STAG1: variants seen among roughly 807,000 people sequenced by gnomAD.
STAG1 encodes cohesin subunit SA-1.
In STAG1, 26 loss-of-function variants were observed where a neutral mutation model predicts 170.9. That is an observed-to-expected ratio of 0.15 (90% CI 0.11 to 0.21). STAG1 has a LOEUF of 0.21. Ranked by LOEUF, STAG1 falls within the 10% of genes least tolerant of loss-of-function variation. STAG1 has a pLI of 1.00. For synonymous variants in STAG1, 514 were observed against 497.7 expected (o/e 1.03, Z -0.44); for missense variants, 964 against 1,509.5 (o/e 0.64, Z 5.99).
At chr3:136,734,330 T>G (rs1337922389) in intron 1 of STAG1, among the ~76,000 whole-genome samples, 1 of 152,142 alleles carries the variant, frequency 6.6e-6, no homozygotes, top group African/African-American at 2.4e-5. Context: ...AAACTCATGT[T>G]TGACTATGTA....
intron 13 of STAG1, among the ~76,000 whole-genome samples, chr3:136,464,297 C>T (rs545483554): frequency 2.0e-5 from 3 of 151,950 alleles, no homozygotes; most frequent in African/African-American, 7.3e-5. Flanking sequence ...GTGGCGCATG[C>T]CTGTAATCCC....
At chr3:136,346,745 G>A (rs1470430857) in intron 29 of STAG1, among the ~76,000 whole-genome samples, 1 of 152,228 alleles carries the variant, frequency 6.6e-6, no homozygotes, top group Non-Finnish European at 1.5e-5. Flanking sequence ...TATAACGCAT[G>A]TTAAAACATA....
At chr3:136,697,258 T>C (rs1208175571) in intron 1 of STAG1, among the ~76,000 whole-genome samples, 1 of 152,198 alleles carries the variant, frequency 6.6e-6, no homozygotes, top group Non-Finnish European at 1.5e-5. Context: ...CACTTAATAT[T>C]GCATATGTTC....
chr3:136,342,533 G>A (rs1017920984), intron 30 of STAG1, among the ~76,000 whole-genome samples: 7 of 152,202 alleles, frequency 4.6e-5, no homozygotes, highest in African/African-American at 1.7e-4. Context: ...CCAGGCTGGA[G>A]TGCAGTGGCG....
In STAG1 at chr3:136,336,304, C is replaced by T. The variant is rs1935677930; in HGVS notation, c.*1950G>A. 6.6e-6 allele frequency: 1 copy of T among 152,064 alleles called. No individual in the cohort carries two copies. The highest frequency in any genetic ancestry group is 1.5e-5 in the Non-Finnish European group (1 of 68,004). 9.4% of individuals were successfully genotyped at this position (152,064 alleles called of 1,614,324 possible). A position where few individuals can be genotyped will look rare whatever the true frequency, so the allele number is the denominator to read the frequency against. On this transcript the variant is annotated 3_prime_UTR_variant, in exon 34 of 34. Transcript: ENST00000383202. ...CAAATTGTACAAAAGGAAAAAAAAC[C>T]TCATATTGCAAATGTACAATTTACA...
At chr3:136,520,606 ATAGT>A (rs1934623464) in intron 7 of STAG1, among the ~76,000 whole-genome samples, 1 of 152,186 alleles carries the variant, frequency 6.6e-6, no homozygotes. Context: ...AAAAATGAAT[ATAGT>A]TGGTTGACAA....
intron 7 of STAG1, among the ~76,000 whole-genome samples, chr3:136,507,310 T>A (rs2107876424): frequency 6.6e-6 from 1 of 152,348 alleles, no homozygotes; most frequent in African/African-American, 2.4e-5. Context: ...GAAGTTAATT[T>A]GAAGGTCAGA....
chr3:136,666,297 G>C (rs1025206318), intron 1 of STAG1, among the ~76,000 whole-genome samples: 4 of 151,788 alleles, frequency 2.6e-5, no homozygotes, highest in African/African-American at 7.3e-5. Context: ...CCAACACCTC[G>C]ATTTTGGTCT....
intron 1 of STAG1, among the ~76,000 whole-genome samples, chr3:136,741,289 C>T (rs924880361): frequency 6.6e-5 from 10 of 152,186 alleles, no homozygotes; most frequent in African/African-American, 1.4e-4. Flanking sequence ...CACAGTGCAT[C>T]GTTCTTCATC....
chr3:136,501,903 C>T (rs1277503794), intron 8 of STAG1, among the ~76,000 whole-genome samples: 2 of 152,094 alleles, frequency 1.3e-5, no homozygotes, highest in Admixed American at 1.3e-4. Context: ...CAGTATAGGC[C>T]GGGCACAGTG....
intron 7 of STAG1, 47 bp from the exon 8 acceptor site, chr3:136,502,826 C>A (rs758805188): frequency 1.4e-6 from 2 of 1,406,970 alleles, no homozygotes; most frequent in Admixed American, 2.7e-5. Flanking sequence ...AAAACTTTAT[C>A]CATATAAGAT....
At chr3:136,460,832 A>G (rs549224458) in intron 13 of STAG1, among the ~76,000 whole-genome samples, 34 of 152,338 alleles carry the variant, frequency 2.2e-4, no homozygotes, top group African/African-American at 7.7e-4. Context: ...CAAGGTCAGC[A>G]TCACCCTGAT....
At chr3:136,614,616 A>G (rs539146210) in intron 3 of STAG1, among the ~76,000 whole-genome samples, 176 of 152,336 alleles carry the variant, frequency 1.2e-3, no homozygotes, top group African/African-American at 2.5e-3. Context: ...TCTTTAGGAC[A>G]ACTGTATACT....
intron 29 of STAG1, among the ~76,000 whole-genome samples, chr3:136,348,587 G>C (rs1936322115): frequency 6.6e-6 from 1 of 151,574 alleles, no homozygotes; most frequent in Non-Finnish European, 1.5e-5. Flanking sequence ...TTTTTTCTTA[G>C]AGATGGGAGT....
intron 1 of STAG1, among the ~76,000 whole-genome samples, chr3:136,642,708 G>A (rs967489619): frequency 1.3e-5 from 2 of 152,086 alleles, no homozygotes; most frequent in African/African-American, 4.8e-5. Context: ...AGTTTCCTAG[G>A]GCTGCTGTAA....
At chr3:136,576,078 A>T (rs1167537017) in intron 4 of STAG1, among the ~76,000 whole-genome samples, 4 of 152,212 alleles carry the variant, frequency 2.6e-5, no homozygotes, top group Admixed American at 1.3e-4. Flanking sequence ...TTACTATTTT[A>T]AAAACCCCAC....
At chr3:136,431,931 G>T (rs1394520140) in intron 16 of STAG1, among the ~76,000 whole-genome samples, 1 of 152,108 alleles carries the variant, frequency 6.6e-6, no homozygotes, top group Non-Finnish European at 1.5e-5. Context: ...TAAGCTTCTT[G>T]AATCTGCAAA....
At chr3:136,709,044 C>T (rs566393766) in intron 1 of STAG1, among the ~76,000 whole-genome samples, 11 of 146,840 alleles carry the variant, frequency 7.5e-5, no homozygotes, top group African/African-American at 2.5e-4. Flanking sequence ...AATCCCACCA[C>T]TTTGGGAGGC....
intron 1 of STAG1, among the ~76,000 whole-genome samples, chr3:136,649,503 C>CAAAAAAAAAAAAAAAAAAAAAAA (rs761067087): frequency 1.4e-5 from 1 of 70,856 alleles, no homozygotes. Flanking sequence ...AAAACAGAAA[C>CAAAAAAAAAAAAAAAAAAAAAAA]AAAAAAAAAA....
Sources: allele counts gnomAD v4.1 joint callset (sites outside exome capture counted in the v4.1 genomes callset), GRCh38; gene constraint gnomAD v4.1.1; transcripts MANE v1.5; gene names NCBI Gene and HGNC (gene_info 2026-07-23, HGNC 2026-07-21).